Variants in MED13 observed in about 807,000 individuals in gnomAD.
MED13 encodes mediator complex subunit 13.
In MED13, 23 loss-of-function variants were observed where a neutral mutation model predicts 225.2. That is an observed-to-expected ratio of 0.10 (90% confidence interval 0.07 to 0.14). The LOEUF (loss-of-function observed/expected upper bound fraction) is 0.14. MED13 is among the 10% of genes least tolerant of loss of function. The pLI, the probability that MED13 is intolerant of heterozygous loss-of-function variation, is 1.00. For missense variants in MED13, 2,197 were observed against 2,594.5 expected (o/e 0.85, Z 3.33); for synonymous variants, 942 against 889.2 (o/e 1.06, Z -1.06).
In MED13 at chr17:62,054,921, A is replaced by G. The variant is rs993155203; in HGVS notation, c.302-2216T>C. On this transcript the variant is annotated intron_variant, in intron 2 of 29. Transcript: ENST00000397786. ...ACATATTTCTCCTAAGTTTTAAAGC[A>G]TCAAAGACCCAAGACACAGTTACCA... Among the ~76,000 whole-genome samples the G allele has an allele frequency of 5.9e-5, 9 of 152,352 alleles. 1 individual carries two copies. The South Asian group carries it at 1.9e-3, about 32-fold the overall frequency.
intron 3 of MED13, among the ~76,000 whole-genome samples, chr17:62,044,180 T>C (rs896243676): frequency 6.6e-6 from 1 of 151,846 alleles, no homozygotes; most frequent in Non-Finnish European, 1.5e-5. Context: ...TGGCAGAAAA[T>C]AAACACAGCT....
At position 61,956,327 on chromosome 17, in the gene MED13, G is replaced by A; in HGVS notation, c.5623+12C>T. Reference sequence around the variant, plus strand: ...AACGGAAATATAAATACTAATAAAAGCACAATTTTACCTTTCAATTCTCCA... The same window carrying A: ...AACGGAAATATAAATACTAATAAAAACACAATTTTACCTTTCAATTCTCCA... On this transcript the variant is annotated intron_variant, in intron 24 of 29. Coordinates refer to ENST00000397786, the MANE Select transcript of MED13 (RefSeq NM_005121.3). 6.2e-7 allele frequency: 1 copy of A among 1,603,050 alleles called. No individual in the cohort carries two copies. The highest frequency in any genetic ancestry group is 8.5e-7 in the Non-Finnish European group (1 of 1,176,418).
Position 61,946,480 on chromosome 17 carries a change from C to T in MED13, c.6513G>A (p.Met2171Ile), listed in dbSNP as rs1464288764. The change falls in exon 30 of 30, where the codon ATG becomes ATA. Residue 2171 changes from methionine to isoleucine, a missense_variant. This residue lies in a region of MED13 where 216 missense variants were observed against 388.9 expected (regional missense o/e 0.56). Transcript: ENST00000397786. ...CATCAAATGAAGATCACAGCATATT[C>T]ATAATAAAGTTATATAACTGATTCA... ...VVLNQLYNFI[M>I]NML The T allele has an allele frequency of 6.2e-7, 1 of 1,613,332 alleles. No homozygotes were observed. Among genetic ancestry groups the T allele is most frequent in the Non-Finnish European group, 8.5e-7 (1 of 1,179,688 alleles).
intron 3 of MED13, among the ~76,000 whole-genome samples, chr17:62,039,975 C>T (rs1040919774): frequency 6.6e-5 from 10 of 151,956 alleles, no homozygotes; most frequent in Non-Finnish European, 7.4e-5. Flanking sequence ...GGCACAGTCG[C>T]GGAGCACTAC....
chr17:62,048,060 ATATG>A (rs201615705), intron 3 of MED13, among the ~76,000 whole-genome samples: 44 of 143,568 alleles, frequency 3.1e-4, no homozygotes, highest in East Asian at 8.0e-4. Context: ...ATATATATAT[ATATG>A]TATATATGTA....
chr17:61,953,129 A>G lies in MED13; in HGVS notation c.5969-16T>C. The stretch of plus-strand genomic sequence containing the variant: ...TCTGCTCCATCTAAACAGGAGAAAG[A>G]AAAGAAATTTAAAACTCCATTTTCC... On this transcript the variant is annotated splice_polypyrimidine_tract_variant and intron_variant, in intron 26 of 29. Transcript: ENST00000397786. 6.2e-7 allele frequency: 1 copy of G among 1,603,014 alleles called. No homozygotes were observed. The highest frequency in any genetic ancestry group is 8.5e-7 in the Non-Finnish European group (1 of 1,176,882).
chr17:62,003,545 C>T (rs998275290), intron 9 of MED13, among the ~76,000 whole-genome samples: 2 of 130,852 alleles, frequency 1.5e-5, no homozygotes, highest in Non-Finnish European at 3.0e-5. Flanking sequence ...GCAGAGGTTG[C>T]AGTGAGCCAA....
intron 27 of MED13, among the ~76,000 whole-genome samples, chr17:61,951,955 T>G (rs763989709): frequency 1.2e-4 from 19 of 152,152 alleles, no homozygotes; most frequent in Non-Finnish European, 2.2e-4. Context: ...TGGAATGCAG[T>G]GGTGCGATCT....
At chr17:61,972,341 G>A (rs996053904) in intron 17 of MED13, among the ~76,000 whole-genome samples, 1 of 151,850 alleles carries the variant, frequency 6.6e-6, no homozygotes, top group East Asian at 1.9e-4. Context: ...GACCTTAGGG[G>A]GCCTTTTATC....
chr17:61,999,566 C>G (rs937252490), intron 9 of MED13, among the ~76,000 whole-genome samples: 1 of 152,138 alleles, frequency 6.6e-6, no homozygotes, highest in East Asian at 1.9e-4. Flanking sequence ...ATGCTATGTT[C>G]CACTCCAACC....
At chr17:62,030,100 C>A (rs771897855) in intron 6 of MED13, 87 bp from the exon 7 acceptor site, 16 of 1,159,770 alleles carry the variant, frequency 1.4e-5, no homozygotes, top group Non-Finnish European at 1.8e-5. Context: ...ATTTGTGATA[C>A]AAGCTGCTCC....
chr17:62,013,348 T>C (rs1347830816), intron 8 of MED13, among the ~76,000 whole-genome samples: 1 of 152,036 alleles, frequency 6.6e-6, no homozygotes, highest in African/African-American at 2.4e-5. Context: ...CATGACCAAA[T>C]GAAGTTAATT....
intron 3 of MED13, among the ~76,000 whole-genome samples, chr17:62,039,408 G>A (rs890191434): frequency 6.6e-6 from 1 of 151,852 alleles, no homozygotes; most frequent in Non-Finnish European, 1.5e-5. Flanking sequence ...TCTGCCTCCT[G>A]AGTAGCTGGG....
intron 3 of MED13, among the ~76,000 whole-genome samples, chr17:62,050,048 A>G (rs1396364588): frequency 1.3e-5 from 2 of 152,064 alleles, no homozygotes; most frequent in East Asian, 1.9e-4. Flanking sequence ...ACTTATAACT[A>G]TATTGGCAAG....
chr17:62,003,751 A>G (rs1409684163), intron 9 of MED13: 1 of 152,042 alleles, frequency 6.6e-6, no homozygotes, highest in Admixed American at 6.6e-5. Flanking sequence ...TATAAGGCAG[A>G]AAAAAAGGGT....
chr17:62,028,069 TA>T (rs2080719677), intron 8 of MED13, among the ~76,000 whole-genome samples: 1 of 152,152 alleles, frequency 6.6e-6, no homozygotes, highest in African/African-American at 2.4e-5. Context: ...CCAGGGAATA[TA>T]AATCATTCTA....
Position 62,062,959 on chromosome 17 carries a change from C to T in MED13, c.301+108G>A. ...CAATGAAGCTGAATTTTTATCTGGC[C>T]TCCTAAGTCTCCCACAAAAACAAAC... is the stretch of plus-strand genomic sequence containing the variant. On this transcript the variant is annotated intron_variant, in intron 2 of 29. Transcript: ENST00000397786. 4.2e-6 allele frequency: 3 copies of T among 715,022 alleles called. No homozygotes were observed. In the East Asian group the frequency reaches 8.0e-5, roughly 19 times the overall value. The allele number at this position is 715,022 out of a possible 1,614,324, so 44.3% of individuals were successfully genotyped here.
In MED13 at chr17:61,956,396, A is replaced by G; in HGVS notation, c.5566T>C (p.Leu1856=). ...WCLGLVQMSS[L]PWRVVIGRLG... is the part of the protein sequence containing the mutation. ...CGACCAATTACAACTCTCCATGGCAATGAACTCATTTGTACAAGTCCTAAG... is the reference window on the plus strand; with the variant it reads ...CGACCAATTACAACTCTCCATGGCAGTGAACTCATTTGTACAAGTCCTAAG... Residue 1856 remains leucine, a synonymous_variant, in exon 24 of 30, where the codon TTG becomes CTG. Transcript: ENST00000397786. 1 of 1,614,024 alleles carries G rather than the reference A, an allele frequency of 6.2e-7. No homozygotes were observed. Among genetic ancestry groups the G allele is most frequent in the Middle Eastern group, 1.6e-4 (1 of 6,062 alleles).
chr17:62,054,181 C>T (rs2080978728), intron 2 of MED13, among the ~76,000 whole-genome samples: 1 of 151,908 alleles, frequency 6.6e-6, no homozygotes, highest in Non-Finnish European at 1.5e-5. Flanking sequence ...ATAGTGCAGC[C>T]CTGTAATCCC....
Sources: gnomAD v4.1 joint callset for allele counts (sites outside exome capture counted in the v4.1 genomes callset) on GRCh38, gnomAD v4.1.1 for gene constraint, gnomAD v4.1.1 regional missense constraint, MANE v1.5 for transcripts, NCBI Gene and HGNC (gene_info 2026-07-23, HGNC 2026-07-21) for gene names.